The following PCDHA8 variants were observed in gnomAD, a reference collection of about 807,000 sequenced individuals.
The protein encoded by PCDHA8 is protocadherin alpha 8.
PCDHA8 carries 53 observed loss-of-function variants against 61.8 expected under a neutral mutation model. The observed-to-expected ratio is 0.86, with a 90% confidence interval of 0.69 to 1.08. The LOEUF (loss-of-function observed/expected upper bound fraction) is 1.08. Ranked by LOEUF, PCDHA8 falls within the 50% of genes least tolerant of loss-of-function variation. PCDHA8 has a pLI of 0.00. For synonymous variants in PCDHA8, 618 were observed against 556.6 expected (o/e 1.11, Z -1.55); for missense variants, 1,293 against 1,245.0 (o/e 1.04, Z -0.58).
intron 1 of PCDHA8, chr5:140,856,004 T>C (rs782001586): frequency 6.5e-7 from 1 of 1,538,284 alleles, no homozygotes; most frequent in Non-Finnish European, 8.8e-7. Context: ...GTATGTGCGT[T>C]CTAGACCGCT....
intron 1 of PCDHA8, among the ~76,000 whole-genome samples, chr5:140,893,651 A>G (rs1422431076): frequency 6.6e-6 from 1 of 152,106 alleles, no homozygotes; most frequent in Non-Finnish European, 1.5e-5. Context: ...TTTGGCTGAT[A>G]GTTTTAAAAA....
At chr5:140,953,932 C>T (rs1005245846) in intron 1 of PCDHA8, among the ~76,000 whole-genome samples, 1 of 152,060 alleles carries the variant, frequency 6.6e-6, no homozygotes, top group Admixed American at 6.6e-5. Flanking sequence ...CTGATGCTCT[C>T]CCTCCCATTG....
chr5:140,909,214 T>C (rs1394994856), intron 1 of PCDHA8, among the ~76,000 whole-genome samples: 2 of 152,232 alleles, frequency 1.3e-5, no homozygotes, highest in African/African-American at 2.4e-5. Context: ...AGAGTTGATA[T>C]ACCCCTGAGG....
At chr5:140,889,724 T>C (rs1198530950) in intron 1 of PCDHA8, among the ~76,000 whole-genome samples, 6 of 152,216 alleles carry the variant, frequency 3.9e-5, no homozygotes, top group African/African-American at 1.4e-4. Context: ...TGCTACTGTC[T>C]CACTGAGTAG....
At chr5:140,883,986 C>T in intron 1 of PCDHA8, 1 of 1,612,808 alleles carries the variant, frequency 6.2e-7, no homozygotes, top group Non-Finnish European at 8.5e-7. Flanking sequence ...GCTGGCAGCG[C>T]GGGAGGCACA....
intron 1 of PCDHA8, among the ~76,000 whole-genome samples, chr5:140,958,399 T>C (rs1554223458): frequency 6.6e-6 from 1 of 152,178 alleles, no homozygotes; most frequent in African/African-American, 2.4e-5. Flanking sequence ...CATCAAACAT[T>C]ATCACTGATG....
At chr5:140,943,277 AG>A (rs199866143) in intron 1 of PCDHA8, among the ~76,000 whole-genome samples, 16,429 of 127,604 alleles carry the variant, frequency 0.13, 1,638 homozygotes, top group African/African-American at 0.18. Flanking sequence ...AAAAAAAAAA[AG>A]AAAGAAAGAA....
At chr5:140,899,251 G>A (rs1322090098) in intron 1 of PCDHA8, among the ~76,000 whole-genome samples, 1 of 152,082 alleles carries the variant, frequency 6.6e-6, no homozygotes, top group Non-Finnish European at 1.5e-5. Flanking sequence ...GTGAGAGAGG[G>A]CATCCCTGTC....
chr5:140,980,110 A>G (rs2096876892), intron 2 of PCDHA8, among the ~76,000 whole-genome samples: 1 of 152,208 alleles, frequency 6.6e-6, no homozygotes, highest in Admixed American at 6.5e-5. Context: ...GTCACATTGG[A>G]ACCTGGGTCA....
At chr5:140,860,385 A>T (rs2046366779) in intron 1 of PCDHA8, 1 of 152,142 alleles carries the variant, frequency 6.6e-6, no homozygotes, top group African/African-American at 2.4e-5. Flanking sequence ...TATTTCAAAA[A>T]TTGAAAAAAG....
At chr5:140,992,188 T>C (rs1193005639) in intron 3 of PCDHA8, among the ~76,000 whole-genome samples, 6 of 152,140 alleles carry the variant, frequency 3.9e-5, no homozygotes, top group African/African-American at 1.4e-4. Flanking sequence ...ATGCTTTCAG[T>C]GATCTATCCA....
At chr5:140,967,671 A>G in intron 1 of PCDHA8, 1 of 1,614,130 alleles carries the variant, frequency 6.2e-7, no homozygotes, top group Non-Finnish European at 8.5e-7. Context: ...TACACGTCGG[A>G]CCGGGAGAGG....
intron 1 of PCDHA8, among the ~76,000 whole-genome samples, chr5:140,942,906 G>C (rs1454697434): frequency 6.6e-6 from 1 of 151,800 alleles, no homozygotes; most frequent in African/African-American, 2.4e-5. Context: ...CTAAGAATAA[G>C]CGTGAAGAAA....
chr5:140,943,359 G>T (rs1374185019), intron 1 of PCDHA8, among the ~76,000 whole-genome samples: 2 of 151,772 alleles, frequency 1.3e-5, no homozygotes, highest in Non-Finnish European at 2.9e-5. Flanking sequence ...TAGAGGAAAG[G>T]AGATCATTAA....
intron 1 of PCDHA8, chr5:140,968,110 G>A: frequency 1.2e-6 from 2 of 1,614,172 alleles, no homozygotes; most frequent in Non-Finnish European, 1.7e-6. Context: ...GAATACCGCA[G>A]CTCACATCCC....
At chr5:140,857,677 T>A (rs377237803) in intron 1 of PCDHA8, 6 of 1,596,766 alleles carry the variant, frequency 3.8e-6, no homozygotes, top group Non-Finnish European at 4.3e-6. Flanking sequence ...GCGTGCCGCC[T>A]CTGGGCAGCA....
chr5:140,950,605 A>T (rs1199751655), intron 1 of PCDHA8, among the ~76,000 whole-genome samples: 1 of 151,926 alleles, frequency 6.6e-6, no homozygotes, highest in Non-Finnish European at 1.5e-5. Flanking sequence ...TTTGACTATG[A>T]TGTGCTTATT....
At chr5:140,845,127 A>G (rs1183874019) in intron 1 of PCDHA8, among the ~76,000 whole-genome samples, 4 of 149,560 alleles carry the variant, frequency 2.7e-5, no homozygotes, top group Non-Finnish European at 6.0e-5. Flanking sequence ...TTAGCATTTT[A>G]TTTGACTATT....
Position 140,849,717 on chromosome 5 carries a change from G to C in PCDHA8, c.2394+6002G>C, listed in dbSNP as rs141495063. The C allele has an allele frequency of 1.2e-4, 185 of 1,598,594 alleles. 18 individuals are homozygous for C. In the Middle Eastern group the frequency reaches 1.2e-3, roughly 10 times the overall value. ...CACCTACAAGAATTACTACTCGTTG[G>C]TGCTGGACAGAGCTCTGGACCGCGA... On this transcript the variant is annotated intron_variant, in intron 1 of 3. Coordinates refer to ENST00000531613, the MANE Select transcript of PCDHA8 (RefSeq NM_018911.3).
Sources: gnomAD v4.1 joint callset for allele counts (sites outside exome capture counted in the v4.1 genomes callset) on GRCh38, gnomAD v4.1.1 for gene constraint, MANE v1.5 for transcripts, NCBI Gene and HGNC (gene_info 2026-07-23, HGNC 2026-07-21) for gene names.